Variants in PPP5C observed in about 807,000 individuals in gnomAD.
PPP5C encodes serine/threonine-protein phosphatase 5.
Under a neutral mutation model 66.7 loss-of-function variants are expected in PPP5C, and 21 were observed. The observed-to-expected ratio is 0.31, with a 90% CI of 0.22 to 0.45. The LOEUF (loss-of-function observed/expected upper bound fraction) is 0.45, where lower values mean the gene tolerates loss of function less well. Ranked by LOEUF, PPP5C falls within the 20% of genes least tolerant of loss-of-function variation. PPP5C has a pLI of 1.00. For missense variants in PPP5C, 464 were observed against 675.9 expected, an observed-to-expected ratio of 0.69 and a Z score of 3.48; for synonymous variants, 246 against 257.4, an observed-to-expected ratio of 0.96 and a Z score of 0.43.
At chr19:46,351,172 T>C (rs906079526) in intron 1 of PPP5C, among the ~76,000 whole-genome samples, 2 of 152,302 alleles carry the variant, frequency 1.3e-5, no homozygotes, top group Admixed American at 1.3e-4. Context: ...TCAGGCTGCC[T>C]GGGTTCAAAC....
chr19:46,361,129 AT>A (rs59090221), intron 2 of PPP5C, among the ~76,000 whole-genome samples: 72 of 140,242 alleles, frequency 5.1e-4, no homozygotes, highest in Middle Eastern at 3.8e-3. Context: ...GTGAAAGAAA[AT>A]TTTTTTTTTT....
intron 2 of PPP5C, among the ~76,000 whole-genome samples, chr19:46,365,410 C>T (rs1329363942): frequency 6.6e-6 from 1 of 152,164 alleles, no homozygotes; most frequent in East Asian, 1.9e-4. Flanking sequence ...GAGCCACACA[C>T]CCAGCCTCCT....
Position 46,388,329 on chromosome 19 carries a change from C to A in PPP5C, c.1136-79C>A. ...GCTGGGCTGTGGGGTCAGCACCTGG[C>A]CGGGCCAGGAGGTGGCCTGTGAGTG... On this transcript the variant is annotated intron_variant, in intron 9 of 12. Transcript: ENST00000012443. The surrounding 1 kb of genome is among the most constrained non-coding windows in gnomAD (Gnocchi z 4.9). 9 of 1,465,932 alleles carry A rather than the reference C, an allele frequency of 6.1e-6. No individual in the cohort carries two copies. The highest frequency in any genetic ancestry group is 8.3e-6 in the Non-Finnish European group (9 of 1,083,424). 90.8% of individuals were successfully genotyped at this position (1,465,932 alleles called of 1,614,324 possible). A position where few individuals can be genotyped will look rare whatever the true frequency, so the allele number is the denominator to read the frequency against.
At chr19:46,359,775 G>C (rs923230073) in intron 2 of PPP5C, among the ~76,000 whole-genome samples, 4 of 111,164 alleles carry the variant, frequency 3.6e-5, no homozygotes, top group African/African-American at 1.5e-4. Context: ...TTTCGGATTA[G>C]ACTTTTTTTT....
At chr19:46,357,739 A>AT (rs1347241372) in intron 2 of PPP5C, among the ~76,000 whole-genome samples, 1 of 152,216 alleles carries the variant, frequency 6.6e-6, no homozygotes, top group Non-Finnish European at 1.5e-5. Flanking sequence ...GCTGCTACAA[A>AT]GGATACAGAT....
At chr19:46,367,048 G>A (rs1972502182) in intron 2 of PPP5C, among the ~76,000 whole-genome samples, 1 of 152,132 alleles carries the variant, frequency 6.6e-6, no homozygotes, top group South Asian at 2.1e-4. Flanking sequence ...ATTCAGATAG[G>A]GTGTGGTTAC....
intron 11 of PPP5C, among the ~76,000 whole-genome samples, chr19:46,389,469 T>C (rs1972969807): frequency 1.5e-5 from 2 of 133,546 alleles, no homozygotes; most frequent in South Asian, 2.3e-4. Flanking sequence ...ACAGTGTTGA[T>C]CCCTTGCCCC....
chr19:46,367,760 C>T (rs566950777), intron 2 of PPP5C, among the ~76,000 whole-genome samples: 1 of 152,266 alleles, frequency 6.6e-6, no homozygotes, highest in East Asian at 1.9e-4. Context: ...GACCAAGTGT[C>T]AGCACTCAGC....
At chr19:46,363,361 G>C (rs529704590) in intron 2 of PPP5C, among the ~76,000 whole-genome samples, 32 of 98,234 alleles carry the variant, frequency 3.3e-4, no homozygotes, top group African/African-American at 9.6e-4. Context: ...TTTTAAACTA[G>C]TTTTATTTGC....
chr19:46,387,243 C>T lies in PPP5C; in HGVS notation c.1047+8C>T, dbSNP rs201085082. ...ATCAACGGCAAAGTGCTGGTGAGGA[C>T]GGCGCGAGCCCTGAGTGTGGGTTCC... is the stretch of plus-strand genomic sequence containing the variant. On this transcript the variant is annotated splice_region_variant and intron_variant, in intron 8 of 12. Coordinates refer to ENST00000012443, the MANE Select transcript of PPP5C (RefSeq NM_006247.4). 2.2e-4 allele frequency: 353 copies of T among 1,614,128 alleles called. No individual in the cohort carries two copies. The highest frequency in any genetic ancestry group is 2.7e-4 in the Non-Finnish European group (319 of 1,180,014).
intron 11 of PPP5C, among the ~76,000 whole-genome samples, 166 bp from the exon 12 acceptor site, chr19:46,389,885 T>A (rs1972981350): frequency 6.6e-6 from 1 of 151,764 alleles, no homozygotes; most frequent in South Asian, 2.1e-4. Context: ...TCCCATTCTT[T>A]CCCCTGGATT....
At chr19:46,385,962 AG>A (rs1971556633) in intron 7 of PPP5C, among the ~76,000 whole-genome samples, 1 of 64,524 alleles carries the variant, frequency 1.5e-5, no homozygotes, top group African/African-American at 4.9e-5. Flanking sequence ...AAAAAAAAAA[AG>A]TAAGAAACTT....
rs1321468405 is a variant in PPP5C, at chr19:46,387,175, G to A, written c.987G>A (p.Glu329=). 1.2e-6 allele frequency: 2 copies of A among 1,614,146 alleles called. No individual in the cohort carries two copies. The highest frequency in any genetic ancestry group is 1.7e-6 in the Non-Finnish European group (2 of 1,180,054). Residue 329 remains glutamate, a synonymous_variant, in exon 8 of 13, where the codon GAG becomes GAA. Transcript: ENST00000012443. ...CCAAGTACACAGCCCAGATGTACGA[G>A]CTCTTTAGCGAGGTGTTCGAGTGGC... is the stretch of plus-strand genomic sequence containing the variant. The part of the protein sequence containing the change: ...VKAKYTAQMY[E]LFSEVFEWLP...
In PPP5C at chr19:46,375,621, C is replaced by T. The variant is rs1335259652; in HGVS notation, c.381C>T (p.Pro127=). ...RDYETVVKVK[P]HDKDAKMKYQ... is the part of the protein sequence containing the mutation. ...CCACCCAGGTGGTCAAGGTGAAGCC[C>T]CATGACAAGGATGCCAAAATGAAAT... The change falls in exon 3 of 13, where the codon CCC becomes CCT. Residue 127 remains proline, a synonymous_variant. Coordinates refer to ENST00000012443, the MANE Select transcript of PPP5C (RefSeq NM_006247.4). 7 of 1,613,980 alleles carry T rather than the reference C, an allele frequency of 4.3e-6. No homozygotes were observed. The highest frequency in any genetic ancestry group is 5.1e-6 in the Non-Finnish European group (6 of 1,179,978).
chr19:46,380,604 G>A (rs1350688655), intron 4 of PPP5C, among the ~76,000 whole-genome samples: 3 of 152,182 alleles, frequency 2.0e-5, no homozygotes, highest in African/African-American at 7.2e-5. Flanking sequence ...CACGTCTGCT[G>A]TAGACTAATT....
chr19:46,380,672 CTT>C (rs1461604279), intron 4 of PPP5C, among the ~76,000 whole-genome samples: 1 of 152,184 alleles, frequency 6.6e-6, no homozygotes. Flanking sequence ...TTAGGGGTGT[CTT>C]TGCTGGATGT....
Position 46,390,053 on chromosome 19 carries a change from A to T in PPP5C, c.1358A>T (p.Asp453Val). The T allele has an allele frequency of 6.2e-7, 1 of 1,613,920 alleles. No homozygotes were observed. Among genetic ancestry groups the T allele is most frequent in the Non-Finnish European group, 8.5e-7 (1 of 1,179,970 alleles). The change falls in exon 12 of 13, where the codon GAC becomes GTC. Residue 453 changes from aspartate to valine, a missense_variant and splice_region_variant. Physicochemically the swap from Asp to Val is radical, Grantham distance 152. Coordinates refer to ENST00000012443, the MANE Select transcript of PPP5C (RefSeq NM_006247.4). Reference sequence around the variant, plus strand: ...CCACTCTGCTCCTGTCCCTGCAGCGACCAGATGGGGAACAAAGCCTCCTAC... The same window carrying T: ...CCACTCTGCTCCTGTCCCTGCAGCGTCCAGATGGGGAACAAAGCCTCCTAC... ...VTVFSAPNYC[D>V]QMGNKASYIH...
At chr19:46,356,545 C>T (rs1305195926) in intron 2 of PPP5C, among the ~76,000 whole-genome samples, 1 of 152,224 alleles carries the variant, frequency 6.6e-6, no homozygotes, top group Admixed American at 6.5e-5. Flanking sequence ...GCCCTTTGTG[C>T]ACCTGAATTC....
At chr19:46,367,532 T>C (rs2147378987) in intron 2 of PPP5C, among the ~76,000 whole-genome samples, 1 of 152,238 alleles carries the variant, frequency 6.6e-6, no homozygotes, top group Middle Eastern at 3.4e-3. Flanking sequence ...TTAGGGAAAT[T>C]GTAATGCTTG....
Sources: allele counts gnomAD v4.1 joint callset (sites outside exome capture counted in the v4.1 genomes callset), GRCh38; gene constraint gnomAD v4.1.1; non-coding constraint Gnocchi (gnomAD v3.1); transcripts MANE v1.5; gene names NCBI Gene and HGNC (gene_info 2026-07-23, HGNC 2026-07-21).